Variants in NCALD observed in about 807,000 individuals in gnomAD.
NCALD encodes the protein neurocalcin-delta.
Under a neutral mutation model 18.6 loss-of-function variants are expected in NCALD, and 10 were observed. The observed-to-expected ratio is 0.54, with a 90% CI of 0.33 to 0.91. NCALD has a LOEUF of 0.91. Ranked by LOEUF, NCALD falls within the 40% of genes least tolerant of loss-of-function variation. The pLI is 0.03. For synonymous variants in NCALD, 88 were observed against 87.4 expected (o/e 1.01, Z -0.04); for missense variants, 184 against 247.6 (o/e 0.74, Z 1.72).
chr8:101,782,815 T>TA (rs1316611794), intron 1 of NCALD, among the ~76,000 whole-genome samples: 1 of 152,180 alleles, frequency 6.6e-6, no homozygotes, highest in African/African-American at 2.4e-5. Context: ...AACAGAGATG[T>TA]AAAGAGGAGG....
At chr8:102,078,084 C>T (rs899965864) in intron 1 of NCALD, among the ~76,000 whole-genome samples, 8 of 152,186 alleles carry the variant, frequency 5.3e-5, no homozygotes, top group Non-Finnish European at 1.0e-4. Flanking sequence ...TCCTCCCTCA[C>T]CCCCATCCTG....
intron 1 of NCALD, among the ~76,000 whole-genome samples, chr8:101,758,992 A>G (rs1421925495): frequency 6.6e-6 from 1 of 152,196 alleles, no homozygotes; most frequent in Non-Finnish European, 1.5e-5. Flanking sequence ...CTGAATCTCC[A>G]CTTGCCATCC....
At position 101,801,690 on chromosome 8, in the gene NCALD, G is replaced by A. The variant is rs148586602; in HGVS notation, c.-19-82042C>T. ...TTTTTTTTTTTTTTTTTTTTGAGAC[G>A]GAATCTCCCTCTGTCGCCCAGGCTG... On this transcript the variant is annotated intron_variant, in intron 4 of 6. Transcript: ENST00000311028. Among the ~76,000 whole-genome samples the A allele has an allele frequency of 7.3e-3, 588 of 80,606 alleles. 11 individuals carry two copies. Among genetic ancestry groups the A allele is most frequent in the African/African-American group, 0.021 (509 of 23,882 alleles). The allele number at this position is 80,606 out of a possible 152,430, so 52.9% of individuals were successfully genotyped here. A position where few individuals can be genotyped will look rare whatever the true frequency, so the allele number is the denominator to read the frequency against.
At chr8:101,985,723 G>A (rs2131959229) in intron 2 of NCALD, among the ~76,000 whole-genome samples, 2 of 152,282 alleles carry the variant, frequency 1.3e-5, no homozygotes, top group South Asian at 4.1e-4. Flanking sequence ...TTCACGTTAG[G>A]ATCCCTCAAA....
chr8:102,091,922 T>G (rs1040063634), intron 1 of NCALD, among the ~76,000 whole-genome samples: 1 of 152,190 alleles, frequency 6.6e-6, no homozygotes, highest in Non-Finnish European at 1.5e-5. Context: ...GATTAAGGGT[T>G]CTTTTATAAA....
chr8:102,000,095 A>G (rs999924539), intron 2 of NCALD, among the ~76,000 whole-genome samples: 4 of 152,300 alleles, frequency 2.6e-5, no homozygotes, highest in African/African-American at 9.6e-5. Context: ...GCATTGCCTC[A>G]CCCAGGAAGT....
chr8:101,995,046 A>T (rs1821186632), intron 2 of NCALD, among the ~76,000 whole-genome samples: 1 of 152,144 alleles, frequency 6.6e-6, no homozygotes, highest in African/African-American at 2.4e-5. Flanking sequence ...TAGTTTTTTT[A>T]AAAAGTTTGC....
intron 1 of NCALD, among the ~76,000 whole-genome samples, chr8:102,050,773 TTTTAA>T (rs1215565137): frequency 6.8e-6 from 1 of 146,428 alleles, no homozygotes; most frequent in African/African-American, 2.5e-5. Flanking sequence ...ATAATTTTAT[TTTTAA>T]TTTAATTAAC....
intron 4 of NCALD, among the ~76,000 whole-genome samples, chr8:101,884,833 A>G (rs773349360): frequency 1.3e-5 from 2 of 152,172 alleles, no homozygotes; most frequent in South Asian, 2.1e-4. Flanking sequence ...ATTTGAAAAC[A>G]TCTGGAAGAA....
chr8:101,870,986 G>T (rs981598544), intron 4 of NCALD, among the ~76,000 whole-genome samples: 5 of 139,680 alleles, frequency 3.6e-5, no homozygotes, highest in African/African-American at 1.3e-4. Context: ...AATTTTAGAT[G>T]AATGTTCTCT....
chr8:101,792,211 G>C (rs973534566), upstream of NCALD, among the ~76,000 whole-genome samples: 1 of 152,154 alleles, frequency 6.6e-6, no homozygotes, highest in African/African-American at 2.4e-5. Flanking sequence ...TAGCTCTGGG[G>C]TGCTACAAAA....
intron 4 of NCALD, chr8:101,871,892 A>T: frequency 1.5e-6 from 1 of 676,012 alleles, no homozygotes; most frequent in Non-Finnish European, 2.7e-6. Context: ...GAAGACAGCA[A>T]TACACCTTCA....
At chr8:101,894,099 C>T (rs2131528705) in intron 3 of NCALD, among the ~76,000 whole-genome samples, 1 of 145,486 alleles carries the variant, frequency 6.9e-6, no homozygotes, top group East Asian at 2.0e-4. Context: ...CAAAATTGAC[C>T]ACATACTTGG....
At chr8:102,097,248 GA>G (rs567859537) in intron 1 of NCALD, among the ~76,000 whole-genome samples, 1 of 151,022 alleles carries the variant, frequency 6.6e-6, no homozygotes, top group Admixed American at 6.6e-5. Context: ...TAGCACAGGA[GA>G]AAAAAAAATA....
chr8:101,874,626 C>A (rs1816154504), intron 4 of NCALD, among the ~76,000 whole-genome samples: 2 of 145,722 alleles, frequency 1.4e-5, no homozygotes, highest in African/African-American at 5.1e-5. Flanking sequence ...TAACCTCCAA[C>A]TCTTGGGCTC....
At chr8:102,035,448 G>A (rs553950339) in intron 1 of NCALD, among the ~76,000 whole-genome samples, 1 of 152,130 alleles carries the variant, frequency 6.6e-6, no homozygotes, top group African/African-American at 2.4e-5. Context: ...GATTCACATG[G>A]AGAAAATCAG....
intron 1 of NCALD, among the ~76,000 whole-genome samples, chr8:102,119,380 A>G (rs1222817452): frequency 6.6e-6 from 1 of 152,160 alleles, no homozygotes. Flanking sequence ...AGAGACAGAA[A>G]GTAGAATAGT....
At chr8:101,911,726 GA>G (rs1480259896) in intron 3 of NCALD, among the ~76,000 whole-genome samples, 1 of 152,068 alleles carries the variant, frequency 6.6e-6, no homozygotes, top group Non-Finnish European at 1.5e-5. Flanking sequence ...GGCTACTAAT[GA>G]GCTGCGTTTC....
intron 3 of NCALD, 156 bp downstream of exon 3, chr8:101,692,635 T>C (rs1814781715): frequency 1.0e-6 from 1 of 963,966 alleles, no homozygotes; most frequent in African/African-American, 1.8e-5. Context: ...TCAGCTCTCC[T>C]GTGGCCACCT....
Sources: allele counts gnomAD v4.1 joint callset (sites outside exome capture counted in the v4.1 genomes callset), GRCh38; gene constraint gnomAD v4.1.1; transcripts MANE v1.5; gene names NCBI Gene and HGNC (gene_info 2026-07-23, HGNC 2026-07-21).